The following WDR5 variants were observed in gnomAD, a reference collection of about 807,000 sequenced individuals.
WDR5 encodes WD repeat domain 5, also known as WD repeat-containing protein 5.
For synonymous variants in WDR5, 144 were observed against 161.6 expected (o/e 0.89, Z 0.83); for missense variants, 187 against 416.9 (o/e 0.45, Z 4.80).
At chr9:134,140,995 C>T (rs749884318) in intron 3 of WDR5, among the ~76,000 whole-genome samples, 184 bp downstream of exon 3, 16 of 152,094 alleles carry the variant, frequency 1.1e-4, no homozygotes, top group African/African-American at 1.4e-4. Flanking sequence ...TGAAATTGCC[C>T]GTGGGGGGCC....
At chr9:134,137,788 G>C (rs28437234) in intron 1 of WDR5, among the ~76,000 whole-genome samples, 103,956 of 151,930 alleles carry the variant, frequency 0.68, 35,780 homozygotes, top group African/African-American at 0.73. Flanking sequence ...GAGTTTCACT[G>C]TTTGGCCCAG....
upstream of WDR5, chr9:134,135,262 C>T (rs541518180): frequency 6.6e-6 from 1 of 152,338 alleles, no homozygotes; most frequent in African/African-American, 2.4e-5. Flanking sequence ...CTCAGCTTCT[C>T]CTTAAGCCCC....
At position 134,141,397 on chromosome 9, in the gene WDR5, G is replaced by C. The variant is rs961312113; in HGVS notation, c.191-113G>C. On this transcript the variant is annotated intron_variant, in intron 3 of 13. Coordinates refer to ENST00000358625, the MANE Select transcript of WDR5 (RefSeq NM_017588.3). The stretch of plus-strand genomic sequence containing the variant: ...CCGTGCTGAATGGGTTCTGAGCCAT[G>C]TGGTTCATGCTGATCACCTGGGACT... 9 of 995,164 alleles carry C rather than the reference G, an allele frequency of 9.0e-6. No homozygotes were observed. The East Asian group carries it at 2.3e-4, about 25-fold the overall frequency. The allele number at this position is 995,164 out of a possible 1,614,324, so 61.6% of individuals were successfully genotyped here.
chr9:134,138,059 C>G (rs1831670104), intron 1 of WDR5, among the ~76,000 whole-genome samples: 1 of 152,180 alleles, frequency 6.6e-6, no homozygotes, highest in South Asian at 2.1e-4. Flanking sequence ...TCTTAAAAGT[C>G]AAGTTAAGGT....
At chr9:134,156,408 G>A in intron 12 of WDR5, 98 bp from the exon 13 acceptor site, 1 of 1,227,716 alleles carries the variant, frequency 8.1e-7, no homozygotes, top group Middle Eastern at 2.0e-4. Context: ...AGCAGGGTGG[G>A]CGTGGGGCAG....
intron 9 of WDR5, among the ~76,000 whole-genome samples, chr9:134,153,787 C>G (rs994427181): frequency 1.3e-5 from 2 of 152,124 alleles, no homozygotes; most frequent in Non-Finnish European, 2.9e-5. Flanking sequence ...GGGGCCTGCA[C>G]CAGGACACAC....
intron 8 of WDR5, among the ~76,000 whole-genome samples, chr9:134,150,998 T>C (rs1164702922): frequency 6.6e-6 from 1 of 152,168 alleles, no homozygotes; most frequent in Non-Finnish European, 1.5e-5. Context: ...GAAATGGAAC[T>C]GAAAGGACAC....
At chr9:134,137,713 C>T (rs1831650799) in intron 1 of WDR5, among the ~76,000 whole-genome samples, 1 of 151,780 alleles carries the variant, frequency 6.6e-6, no homozygotes. Flanking sequence ...GCCTAGACCC[C>T]ACCGACGTAG....
intron 8 of WDR5, among the ~76,000 whole-genome samples, chr9:134,150,343 T>G (rs918760801): frequency 6.6e-6 from 1 of 152,220 alleles, no homozygotes; most frequent in African/African-American, 2.4e-5. Flanking sequence ...TAAATGTCTC[T>G]GTCTGTTATT....
At chr9:134,142,761 G>C in intron 7 of WDR5, 42 bp downstream of exon 7, 1 of 1,598,028 alleles carries the variant, frequency 6.3e-7, no homozygotes, top group East Asian at 2.2e-5. Context: ...CCAGCACTAC[G>C]TTTCTCTGAC....
rs773795564 is a variant in WDR5 at position 134,156,491 on chromosome 9, CTTG to C, written c.817-9_817-7del. The C allele has an allele frequency of 2.9e-5, 46 of 1,613,506 alleles. No individual in the cohort carries two copies. Among genetic ancestry groups the C allele is most frequent in the Middle Eastern group, 3.3e-4 (2 of 6,084 alleles). The stretch of plus-strand genomic sequence containing the variant: ...GCTTTTCCTTGCCCTGTTTTCCCTG[CTTG>C]TTGTTACGTAGTGGATTGTGTCTGG... On this transcript the variant is annotated splice_polypyrimidine_tract_variant and intron_variant, in intron 12 of 13. Coordinates refer to ENST00000358625, the MANE Select transcript of WDR5 (RefSeq NM_017588.3).
chr9:134,145,325 C>G (rs1158847387), intron 7 of WDR5, among the ~76,000 whole-genome samples: 2 of 152,134 alleles, frequency 1.3e-5, no homozygotes, highest in African/African-American at 4.8e-5. Flanking sequence ...TCTCAATCTC[C>G]TAACCTCAAG....
intron 1 of WDR5, among the ~76,000 whole-genome samples, chr9:134,136,403 TC>T (rs1388407130): frequency 6.7e-6 from 1 of 149,826 alleles, no homozygotes; most frequent in African/African-American, 2.5e-5. Flanking sequence ...CGCAGTTCCC[TC>T]CACCCGGTCC....
chr9:134,151,918 T>C, intron 8 of WDR5, 65 bp from the exon 9 acceptor site: 1 of 1,535,552 alleles, frequency 6.5e-7, no homozygotes, highest in East Asian at 2.3e-5. Flanking sequence ...TATATCTGAC[T>C]CCCAGCAGCC....
intron 12 of WDR5, among the ~76,000 whole-genome samples, chr9:134,156,173 G>C (rs1190279265): frequency 6.6e-6 from 1 of 152,244 alleles, no homozygotes; most frequent in Admixed American, 6.5e-5. Flanking sequence ...CTTAGACCGG[G>C]GTGACTCGGG....
chr9:134,147,949 G>T (rs1041498958), intron 7 of WDR5, among the ~76,000 whole-genome samples: 2 of 152,032 alleles, frequency 1.3e-5, no homozygotes, highest in Non-Finnish European at 2.9e-5. Flanking sequence ...GCGGTCAGGA[G>T]TTCAAGACCA....
At chr9:134,139,995 G>A (rs1289379634) in intron 2 of WDR5, 37 bp downstream of exon 2, 11 of 1,609,742 alleles carry the variant, frequency 6.8e-6, no homozygotes, top group Non-Finnish European at 8.5e-6. Context: ...CCTTCCGGGG[G>A]CAAATACGCT....
chr9:134,136,950 G>T (rs949826336), intron 1 of WDR5, among the ~76,000 whole-genome samples: 8 of 152,234 alleles, frequency 5.3e-5, no homozygotes, highest in African/African-American at 1.9e-4. Flanking sequence ...GGGAAGACAG[G>T]AAAGCGAAGG....
chr9:134,137,528 CAA>C (rs1381793352), intron 1 of WDR5, among the ~76,000 whole-genome samples: 1 of 151,992 alleles, frequency 6.6e-6, no homozygotes, highest in Non-Finnish European at 1.5e-5. Context: ...ACTAAAAATA[CAA>C]AAGATTGGCC....
Sources: allele counts gnomAD v4.1 joint callset (sites outside exome capture counted in the v4.1 genomes callset), GRCh38; gene constraint gnomAD v4.1.1; transcripts MANE v1.5; gene names NCBI Gene and HGNC (gene_info 2026-07-23, HGNC 2026-07-21).